The following MGST1 variants were observed in gnomAD, a reference collection of about 807,000 sequenced individuals.
The protein encoded by MGST1 is glutathione S-transferase 12.
In MGST1, 5 loss-of-function variants were observed where a neutral mutation model predicts 8.9. That is an observed-to-expected ratio of 0.56 (90% CI 0.29 to 1.19). The LOEUF is 1.19. Among genes scored for constraint, MGST1 ranks in the 50% most tolerant of loss-of-function variants. The probability of loss-of-function intolerance (pLI) is 0.08; values close to 1 mark genes in which losing one functional copy is unlikely to be tolerated. For missense variants in MGST1, 182 were observed against 187.4 expected, an observed-to-expected ratio of 0.97 and a Z score of 0.17; for synonymous variants, 54 against 67.8, an observed-to-expected ratio of 0.80 and a Z score of 1.00.
At chr12:16,394,131 G>A (rs1466505418) in intron 1 of MGST1, among the ~76,000 whole-genome samples, 1 of 152,210 alleles carries the variant, frequency 6.6e-6, no homozygotes, top group Non-Finnish European at 1.5e-5. Flanking sequence ...CACTTCCACA[G>A]AAGTGTGAGA....
intron 1 of MGST1, among the ~76,000 whole-genome samples, chr12:16,412,532 T>G (rs1044392779): frequency 3.9e-5 from 6 of 152,332 alleles, no homozygotes; most frequent in Middle Eastern, 3.4e-3. Flanking sequence ...TGATATGGTT[T>G]GGCTGTGTTA....
chr12:16,568,416 C>G (rs1202611218), intron 4 of MGST1, among the ~76,000 whole-genome samples: 1 of 150,710 alleles, frequency 6.6e-6, no homozygotes, highest in Non-Finnish European at 1.5e-5. Context: ...CTGGTTTCTC[C>G]CCAACCTCCA....
intron 3 of MGST1, among the ~76,000 whole-genome samples, chr12:16,359,212 A>G (rs924298631): frequency 6.6e-6 from 1 of 152,192 alleles, no homozygotes; most frequent in African/African-American, 2.4e-5. Context: ...TTTGCAGAAT[A>G]TGCCCCGTAC....
chr12:16,505,620 A>T (rs1000164506), intron 4 of MGST1, among the ~76,000 whole-genome samples: 1 of 152,120 alleles, frequency 6.6e-6, no homozygotes, highest in Non-Finnish European at 1.5e-5. Flanking sequence ...TATCTGCTTT[A>T]CCTGCTGTTA....
chr12:16,520,522 A>G (rs1455000061), intron 4 of MGST1, among the ~76,000 whole-genome samples: 1 of 152,128 alleles, frequency 6.6e-6, no homozygotes, highest in African/African-American at 2.4e-5. Flanking sequence ...GGAGGCGGCT[A>G]TGACTGTGAA....
rs146190160 is a variant in MGST1, at chr12:16,576,682, T to C, written n.483-12846T>C. 2.6e-5 allele frequency among the ~76,000 whole-genome samples: 4 copies of C among 152,346 alleles called. No homozygotes were observed. Among genetic ancestry groups the C allele is most frequent in the East Asian group, 3.9e-4 (2 of 5,182 alleles). ...ACACATGTGATGTTCATATGCTCCATAACTGCTGAATTAGAATGTAGAGAT... is the reference window on the plus strand; with the variant it reads ...ACACATGTGATGTTCATATGCTCCACAACTGCTGAATTAGAATGTAGAGAT... On this transcript the variant is annotated intron_variant and non_coding_transcript_variant, in intron 4 of 4. Coordinates refer to the MGST1 transcript ENST00000538857. This position sits in a 1 kb window ranked among gnomAD's most constrained non-coding sequence, Gnocchi z 4.1.
chr12:16,482,371 G>A lies in MGST1; in HGVS notation n.482+98767G>A, dbSNP rs1232982952. On this transcript the variant is annotated intron_variant and non_coding_transcript_variant, in intron 4 of 4. Transcript: ENST00000538857. This position sits in a 1 kb window ranked among gnomAD's most constrained non-coding sequence, Gnocchi z 4.2. ...GCAAGGGCCGGGTGCAGTGGCTCAC[G>A]CCTGTAATCTTAGCACTTTAGGAGG... Among the ~76,000 whole-genome samples, 4 of 152,326 alleles carry A rather than the reference G, an allele frequency of 2.6e-5. No homozygotes were observed. Among genetic ancestry groups the A allele is most frequent in the Admixed American group, 6.5e-5 (1 of 15,298 alleles).
At chr12:16,477,528 A>G (rs1321526316) in intron 4 of MGST1, among the ~76,000 whole-genome samples, 2 of 152,198 alleles carry the variant, frequency 1.3e-5, no homozygotes, top group East Asian at 1.9e-4. Context: ...TTTCAAGCAT[A>G]TATAGTTTAG....
chr12:16,518,039 TACAG>T (rs113218693), intron 4 of MGST1, among the ~76,000 whole-genome samples: 28 of 152,310 alleles, frequency 1.8e-4, no homozygotes, highest in African/African-American at 6.0e-4. Flanking sequence ...TGTCAGTAAA[TACAG>T]ACAGTCTTCC....
At chr12:16,427,807 T>G (rs1006657734) in intron 1 of MGST1, among the ~76,000 whole-genome samples, 3 of 152,340 alleles carry the variant, frequency 2.0e-5, no homozygotes, top group African/African-American at 7.2e-5. Flanking sequence ...TTTAAAAAAC[T>G]TATTTTTTTA....
chr12:16,534,523 G>A (rs1029466242), intron 4 of MGST1, among the ~76,000 whole-genome samples: 27 of 152,216 alleles, frequency 1.8e-4, no homozygotes, highest in East Asian at 3.9e-4. Flanking sequence ...CATGAAACAC[G>A]GGGCTAAATG....
chr12:16,471,665 C>T (rs1165230429), intron 4 of MGST1, among the ~76,000 whole-genome samples: 1 of 152,098 alleles, frequency 6.6e-6, no homozygotes, highest in Non-Finnish European at 1.5e-5. Context: ...GTTCAGCTTG[C>T]AGGTCCAGAA....
At chr12:16,553,706 A>G (rs1380946662) in intron 4 of MGST1, among the ~76,000 whole-genome samples, 1 of 152,176 alleles carries the variant, frequency 6.6e-6, no homozygotes, top group Non-Finnish European at 1.5e-5. Flanking sequence ...TAAGGTTGAC[A>G]TCCTCTTTAA....
At chr12:16,434,333 T>C (rs1013464817) in intron 1 of MGST1, among the ~76,000 whole-genome samples, 3 of 152,096 alleles carry the variant, frequency 2.0e-5, no homozygotes, top group Non-Finnish European at 2.9e-5. Context: ...CATTATAAAA[T>C]ACTTTCTAGT....
At chr12:16,397,091 T>A (rs987352568) in intron 1 of MGST1, among the ~76,000 whole-genome samples, 1 of 152,120 alleles carries the variant, frequency 6.6e-6, no homozygotes, top group African/African-American at 2.4e-5. Context: ...CATACACCAA[T>A]GGAACGGAAC....
At chr12:16,577,585 C>T (rs1943033847) in intron 4 of MGST1, among the ~76,000 whole-genome samples, 1 of 152,108 alleles carries the variant, frequency 6.6e-6, no homozygotes, top group African/African-American at 2.4e-5. Context: ...AGAATTTCCC[C>T]TGTTCACAAA....
At chr12:16,498,454 A>G (rs961754071) in intron 4 of MGST1, among the ~76,000 whole-genome samples, 1 of 152,078 alleles carries the variant, frequency 6.6e-6, no homozygotes, top group African/African-American at 2.4e-5. Flanking sequence ...TTCTTCCTCA[A>G]CTCCTCCAAA....
chr12:16,544,577 G>A lies in MGST1; in HGVS notation n.483-44951G>A, dbSNP rs1012145031. Among the ~76,000 whole-genome samples the A allele has an allele frequency of 6.6e-6, 1 of 152,024 alleles. No individual in the cohort carries two copies. Among genetic ancestry groups the A allele is most frequent in the African/African-American group, 2.4e-5 (1 of 41,416 alleles). ...TACAATTGGGAATGCATTATAATCAGTTCAGAAGTGGTCCAGTAATTTGTG... is the reference window on the plus strand; with the variant it reads ...TACAATTGGGAATGCATTATAATCAATTCAGAAGTGGTCCAGTAATTTGTG... On this transcript the variant is annotated intron_variant and non_coding_transcript_variant, in intron 4 of 4. Transcript: ENST00000538857. This position sits in a 1 kb window ranked among gnomAD's most constrained non-coding sequence, Gnocchi z 4.8.
chr12:16,407,390 A>G (rs943416964), intron 1 of MGST1, among the ~76,000 whole-genome samples: 1 of 152,172 alleles, frequency 6.6e-6, no homozygotes, highest in African/African-American at 2.4e-5. Flanking sequence ...CAGGATGGCT[A>G]TTATTAAAAA....
Sources: gnomAD v4.1 joint callset for allele counts (sites outside exome capture counted in the v4.1 genomes callset) on GRCh38, gnomAD v4.1.1 for gene constraint, Gnocchi (gnomAD v3.1) non-coding constraint, MANE v1.5 for transcripts, NCBI Gene and HGNC (gene_info 2026-07-23, HGNC 2026-07-21) for gene names.